The following RANBP2 variants were observed in gnomAD, a reference collection of about 807,000 sequenced individuals.
RANBP2 encodes E3 SUMO-protein ligase RanBP2.
A neutral mutation model predicts 303.6 loss-of-function variants in RANBP2; 57 were observed. The observed-to-expected ratio is 0.19, with a 90% confidence interval of 0.15 to 0.23. The LOEUF (loss-of-function observed/expected upper bound fraction) is 0.23, where lower values mean the gene tolerates loss of function less well. RANBP2 is among the 10% of genes least tolerant of loss of function. The pLI is 1.00. For missense variants in RANBP2, 3,138 were observed against 3,780.8 expected (o/e 0.83, Z 4.46); for synonymous variants, 1,167 against 1,301.5 (o/e 0.90, Z 2.23).
the RANBP2 span, among the ~76,000 whole-genome samples, chr2:108,819,103 T>G: frequency 6.6e-6 from 1 of 152,206 alleles, no homozygotes; most frequent in Non-Finnish European, 1.5e-5. Flanking sequence ...GTAGGAAGTT[T>G]CAGGCCCTTA....
At chr2:109,731,762 A>G in the RANBP2 span, among the ~76,000 whole-genome samples, 1 of 152,014 alleles carries the variant, frequency 6.6e-6, no homozygotes, top group Non-Finnish European at 1.5e-5. Context: ...TGCTGGGATT[A>G]CAGGCAGGAG....
chr2:108,829,097 A>G, the RANBP2 span, among the ~76,000 whole-genome samples: 1 of 152,218 alleles, frequency 6.6e-6, no homozygotes. Context: ...CAGTGATTAT[A>G]TGGCTAAGAC....
chr2:109,121,088 T>C, the RANBP2 span, among the ~76,000 whole-genome samples: 31 of 151,962 alleles, frequency 2.0e-4, no homozygotes, highest in East Asian at 6.0e-3. Context: ...CTACTAAAAA[T>C]ACAAAAAAAA....
chr2:109,396,884 G>C, the RANBP2 span, among the ~76,000 whole-genome samples: 2 of 152,230 alleles, frequency 1.3e-5, no homozygotes, highest in Non-Finnish European at 2.9e-5. Flanking sequence ...GCCTGCTGTG[G>C]TTCCCACCTT....
the RANBP2 span, among the ~76,000 whole-genome samples, chr2:108,800,112 G>A: frequency 6.6e-6 from 1 of 152,002 alleles, no homozygotes; most frequent in Non-Finnish European, 1.5e-5. Context: ...TTGAGGCTTA[G>A]TCACATTGTT....
the RANBP2 span, among the ~76,000 whole-genome samples, chr2:108,813,432 C>A: frequency 6.6e-6 from 1 of 152,114 alleles, no homozygotes; most frequent in African/African-American, 2.4e-5. Context: ...AATATACTTT[C>A]ATTTGTGAAA....
At chr2:109,428,399 T>G in the RANBP2 span, among the ~76,000 whole-genome samples, 1 of 152,234 alleles carries the variant, frequency 6.6e-6, no homozygotes, top group South Asian at 2.1e-4. Flanking sequence ...GGCTGTGCTG[T>G]TAGTTTCAAC....
chr2:108,747,017 T>G (rs185882716), intron 8 of RANBP2, among the ~76,000 whole-genome samples: 56 of 152,338 alleles, frequency 3.7e-4, no homozygotes, highest in African/African-American at 1.3e-3. Context: ...GTGGAGAGGA[T>G]TTCTTAACTC....
chr2:109,005,193 C>T, the RANBP2 span, among the ~76,000 whole-genome samples: 3 of 152,212 alleles, frequency 2.0e-5, no homozygotes, highest in African/African-American at 7.2e-5. Flanking sequence ...TAACATGGGC[C>T]TTGCTCAGGA....
the RANBP2 span, among the ~76,000 whole-genome samples, chr2:108,977,876 A>G: frequency 4.6e-5 from 7 of 152,204 alleles, no homozygotes; most frequent in African/African-American, 1.2e-4. Flanking sequence ...CAACCACAAG[A>G]CATCATATTA....
At chr2:109,510,294 T>C in the RANBP2 span, among the ~76,000 whole-genome samples, 1 of 152,220 alleles carries the variant, frequency 6.6e-6, no homozygotes, top group East Asian at 1.9e-4. Flanking sequence ...AGATGCAAAC[T>C]GTGTCGGGAG....
the RANBP2 span, among the ~76,000 whole-genome samples, chr2:108,981,274 G>A: frequency 2.0e-5 from 3 of 152,236 alleles, no homozygotes; most frequent in African/African-American, 4.8e-5. Context: ...CCACCCTGCC[G>A]CCAGCATTCT....
the RANBP2 span, among the ~76,000 whole-genome samples, chr2:109,369,863 T>C: frequency 1.3e-3 from 192 of 152,352 alleles, no homozygotes; most frequent in African/African-American, 4.5e-3. Flanking sequence ...TCTCTCCCTC[T>C]GACCCCAAAA....
the RANBP2 span, among the ~76,000 whole-genome samples, chr2:109,492,140 G>T: frequency 6.6e-6 from 1 of 152,074 alleles, no homozygotes; most frequent in Non-Finnish European, 1.5e-5. Flanking sequence ...TGAATGGGCC[G>T]GTGTCCCAGT....
chr2:109,408,313 G>T, the RANBP2 span, among the ~76,000 whole-genome samples: 1 of 152,274 alleles, frequency 6.6e-6, no homozygotes, highest in African/African-American at 2.4e-5. Context: ...TGTCCTCAGG[G>T]CTGTAATGTG....
the RANBP2 span, among the ~76,000 whole-genome samples, chr2:109,714,458 C>T: frequency 1.3e-5 from 2 of 151,882 alleles, no homozygotes; most frequent in East Asian, 1.9e-4. Flanking sequence ...TGCACCACCA[C>T]GCCTGGCTAA....
chr2:108,960,374 G>T, the RANBP2 span, among the ~76,000 whole-genome samples: 1 of 152,200 alleles, frequency 6.6e-6, no homozygotes, highest in East Asian at 1.9e-4. Flanking sequence ...TTCTCAAGAC[G>T]CTCTTGCTGA....
At chr2:108,806,767 T>G in the RANBP2 span, among the ~76,000 whole-genome samples, 1 of 152,232 alleles carries the variant, frequency 6.6e-6, no homozygotes, top group Admixed American at 6.5e-5. Context: ...GTGACTGACT[T>G]ACATAGTAAT....
chr2:109,056,974 A>T, the RANBP2 span, among the ~76,000 whole-genome samples: 1,803 of 152,308 alleles, frequency 0.012, 39 homozygotes, highest in African/African-American at 0.041. Flanking sequence ...AGAAAATTGC[A>T]ATGTTCCTGT....
Sources: gnomAD v4.1 joint callset for allele counts (sites outside exome capture counted in the v4.1 genomes callset) on GRCh38, gnomAD v4.1.1 for gene constraint, MANE v1.5 for transcripts, NCBI Gene and HGNC (gene_info 2026-07-23, HGNC 2026-07-21) for gene names.